ANKS1B: variants seen among roughly 807,000 people sequenced by gnomAD.
The protein encoded by ANKS1B is ankyrin repeat and sterile alpha motif domain-containing protein 1B.
Under a neutral mutation model 148.3 loss-of-function variants are expected in ANKS1B, and 36 were observed. The ratio of observed to expected loss-of-function variants is 0.24; its 90% CI spans 0.19 to 0.32. The LOEUF (loss-of-function observed/expected upper bound fraction) is 0.32. ANKS1B is among the 10% of genes least tolerant of loss of function. The probability of loss-of-function intolerance (pLI) is 1.00; values close to 1 mark genes in which losing one functional copy is unlikely to be tolerated. For synonymous variants in ANKS1B, 542 were observed against 560.8 expected (o/e 0.97, Z 0.47); for missense variants, 1,157 against 1,542.6 (o/e 0.75, Z 4.19).
intron 17 of ANKS1B, among the ~76,000 whole-genome samples, chr12:98,982,939 T>C (rs2099914241): frequency 6.6e-6 from 1 of 152,242 alleles, no homozygotes; most frequent in Non-Finnish European, 1.5e-5. Flanking sequence ...TTTTAAACTT[T>C]AGTAGATTAT....
intron 12 of ANKS1B, among the ~76,000 whole-genome samples, chr12:99,313,870 C>A (rs1228562968): frequency 6.6e-6 from 1 of 152,184 alleles, no homozygotes; most frequent in Non-Finnish European, 1.5e-5. Flanking sequence ...GACAAGGATG[C>A]CCTTTCTCAC....
At chr12:99,058,719 C>CTTTTTTTTTTTTTTT in intron 16 of ANKS1B, among the ~76,000 whole-genome samples, 1 of 80,668 alleles carries the variant, frequency 1.2e-5, no homozygotes, top group Non-Finnish European at 2.4e-5. Flanking sequence ...TCTATCTATC[C>CTTTTTTTTTTTTTTT]TTTTTTTTTT....
intron 14 of ANKS1B, among the ~76,000 whole-genome samples, chr12:99,215,127 G>T (rs1354224358): frequency 6.6e-6 from 1 of 152,220 alleles, no homozygotes; most frequent in African/African-American, 2.4e-5. Context: ...TAAAAGGGAA[G>T]CAGGCTATTG....
chr12:99,812,355 C>T, intron 2 of ANKS1B, 44 bp from the exon 3 acceptor site: 3 of 1,581,804 alleles, frequency 1.9e-6, no homozygotes, highest in African/African-American at 2.7e-5. Context: ...CTGAGCAAGA[C>T]AAACTGTATT....
chr12:98,769,107 C>T (rs2098530863), intron 25 of ANKS1B, among the ~76,000 whole-genome samples: 1 of 142,698 alleles, frequency 7.0e-6, no homozygotes, highest in Non-Finnish European at 1.5e-5. Context: ...AAAATGTATA[C>T]ATACTTATTT....
At chr12:98,976,099 A>G (rs1276266448) in intron 17 of ANKS1B, among the ~76,000 whole-genome samples, 1 of 152,264 alleles carries the variant, frequency 6.6e-6, no homozygotes, top group African/African-American at 2.4e-5. Context: ...AGACAAAAGA[A>G]GGAAAGACAT....
At chr12:99,789,043 T>C (rs1005866655) in intron 4 of ANKS1B, among the ~76,000 whole-genome samples, 2 of 152,182 alleles carry the variant, frequency 1.3e-5, no homozygotes, top group Non-Finnish European at 2.9e-5. Flanking sequence ...GGGAACTCAC[T>C]GCCCTGAAGA....
chr12:99,925,169 C>T (rs1401410513), intron 1 of ANKS1B, among the ~76,000 whole-genome samples: 2 of 152,090 alleles, frequency 1.3e-5, no homozygotes, highest in African/African-American at 2.4e-5. Flanking sequence ...TAGAGCTAGG[C>T]GCTCACAAGA....
At chr12:99,930,437 T>C (rs944212849) in intron 1 of ANKS1B, among the ~76,000 whole-genome samples, 1 of 152,224 alleles carries the variant, frequency 6.6e-6, no homozygotes, top group African/African-American at 2.4e-5. Flanking sequence ...AATCATGTCA[T>C]CTGCAAACAG....
intron 12 of ANKS1B, among the ~76,000 whole-genome samples, chr12:99,277,115 A>G (rs1328672911): frequency 6.6e-6 from 1 of 152,190 alleles, no homozygotes; most frequent in Non-Finnish European, 1.5e-5. Flanking sequence ...TCAAGTACAA[A>G]AGAGAACTTG....
intron 8 of ANKS1B, among the ~76,000 whole-genome samples, chr12:99,728,933 A>G (rs898633649): frequency 6.6e-6 from 1 of 152,184 alleles, no homozygotes; most frequent in Non-Finnish European, 1.5e-5. Flanking sequence ...GGAGCTAAAC[A>G]ATGAGAACAC....
intron 1 of ANKS1B, among the ~76,000 whole-genome samples, chr12:99,942,599 A>AT (rs992440181): frequency 5.3e-5 from 8 of 152,002 alleles, no homozygotes; most frequent in African/African-American, 9.7e-5. Flanking sequence ...AAAAAGCAAC[A>AT]TTTTTTTTAG....
chr12:99,597,691 C>T (rs907220909), intron 9 of ANKS1B, among the ~76,000 whole-genome samples: 7 of 151,942 alleles, frequency 4.6e-5, no homozygotes, highest in African/African-American at 1.7e-4. Flanking sequence ...TGTTTATTAT[C>T]AAATCAGTTA....
At chr12:99,495,066 A>G (rs912321685) in intron 10 of ANKS1B, among the ~76,000 whole-genome samples, 2 of 152,196 alleles carry the variant, frequency 1.3e-5, no homozygotes, top group Non-Finnish European at 2.9e-5. Flanking sequence ...ATACAGAACA[A>G]GAGTGGAATG....
At chr12:99,884,686 A>T (rs2092725648) in intron 1 of ANKS1B, among the ~76,000 whole-genome samples, 1 of 152,202 alleles carries the variant, frequency 6.6e-6, no homozygotes, top group South Asian at 2.1e-4. Context: ...ACATTCTGGA[A>T]AAAGCAAAAA....
At chr12:99,111,526 T>G (rs2060284555) in intron 15 of ANKS1B, among the ~76,000 whole-genome samples, 1 of 151,988 alleles carries the variant, frequency 6.6e-6, no homozygotes, top group South Asian at 2.1e-4. Context: ...CTAATGTGTA[T>G]TTTAAGGTGT....
chr12:99,615,829 A>C lies in ANKS1B; in HGVS notation c.1272+39238T>G, dbSNP rs189249208. On this transcript the variant is annotated intron_variant, in intron 9 of 26. Transcript: ENST00000683438. ...AAGAGAAAGAAATAAAGGGTATTCA[A>C]ATAGGAAGACAGGAAGTCAAATTGT... Among the ~76,000 whole-genome samples, 30 of 152,268 alleles carry C rather than the reference A, an allele frequency of 2.0e-4. No homozygotes were observed. The East Asian group carries it at 5.0e-3, about 25-fold the overall frequency.
At chr12:98,887,949 T>A (rs1455411364) in intron 17 of ANKS1B, among the ~76,000 whole-genome samples, 1 of 152,190 alleles carries the variant, frequency 6.6e-6, no homozygotes, top group Non-Finnish European at 1.5e-5. Flanking sequence ...GCATCAGCAT[T>A]ATGACTCCAC....
At chr12:99,331,247 T>C (rs1232647584) in intron 12 of ANKS1B, among the ~76,000 whole-genome samples, 2 of 151,986 alleles carry the variant, frequency 1.3e-5, no homozygotes, top group East Asian at 3.9e-4. Context: ...CTGGGTTTAC[T>C]TAACGTCCTA....
Sources: gnomAD v4.1 joint callset for allele counts (sites outside exome capture counted in the v4.1 genomes callset) on GRCh38, gnomAD v4.1.1 for gene constraint, MANE v1.5 for transcripts, NCBI Gene and HGNC (gene_info 2026-07-23, HGNC 2026-07-21) for gene names.